HABP2: variants seen among roughly 807,000 people sequenced by gnomAD.
The protein encoded by HABP2 is factor VII-activating protease.
HABP2 carries 65 observed loss-of-function variants against 66.5 expected under a neutral mutation model. The ratio of observed to expected loss-of-function variants is 0.98; its 90% CI spans 0.80 to 1.20. The LOEUF (loss-of-function observed/expected upper bound fraction) is 1.20, where lower values mean the gene tolerates loss of function less well. Among genes scored for constraint, HABP2 ranks in the 50% most tolerant of loss-of-function variants. The pLI is 0.00. For synonymous variants in HABP2, 263 were observed against 253.9 expected (o/e 1.04, Z -0.34); for missense variants, 786 against 691.0 (o/e 1.14, Z -1.54).
At chr10:113,567,863 A>G (rs1307533512) in intron 2 of HABP2, among the ~76,000 whole-genome samples, 1 of 152,198 alleles carries the variant, frequency 6.6e-6, no homozygotes, top group African/African-American at 2.4e-5. Flanking sequence ...GATGAGGTGA[A>G]AGGCTGAGGC....
At chr10:113,586,047 TG>T in intron 12 of HABP2, 109 bp downstream of exon 12, 2 of 962,010 alleles carry the variant, frequency 2.1e-6, no homozygotes, top group Non-Finnish European at 3.2e-6. Context: ...GGTCCACCTG[TG>T]GTAAAGCTAA....
intron 2 of HABP2, among the ~76,000 whole-genome samples, chr10:113,573,322 G>A (rs1484539518): frequency 6.6e-6 from 1 of 152,156 alleles, no homozygotes; most frequent in Non-Finnish European, 1.5e-5. Flanking sequence ...CCAATGACCA[G>A]TCTAGTGTGA....
intron 2 of HABP2, among the ~76,000 whole-genome samples, chr10:113,572,940 A>AT (rs1845340532): frequency 6.6e-6 from 1 of 152,234 alleles, no homozygotes; most frequent in Non-Finnish European, 1.5e-5. Flanking sequence ...TCGATTTTTC[A>AT]AAAGCCAGAG....
At position 113,584,144 on chromosome 10, in the gene HABP2, C is replaced by A; in HGVS notation, c.1238-4C>A. On this transcript the variant is annotated splice_polypyrimidine_tract_variant and splice_region_variant and intron_variant, in intron 10 of 12. Transcript: ENST00000351270. ...ATCCATTTTCTACCTCTCTCTCCAC[C>A]TAGCATTGCTCAAGTTAAAGCCAGT... 6.2e-7 allele frequency: 1 copy of A among 1,613,398 alleles called. No individual in the cohort carries two copies.
At chr10:113,553,051 T>TC (rs1844924546), upstream of HABP2, 15 of 1,074,396 alleles carry the variant, frequency 1.4e-5, no homozygotes, top group South Asian at 8.9e-5. Context: ...ACTGACATTT[T>TC]TCCCCCCTAA....
Position 113,589,087 on chromosome 10 carries a change from A to G in HABP2, c.*718A>G. 2 of 1,611,972 alleles carry G rather than the reference A, an allele frequency of 1.2e-6. No individual in the cohort carries two copies. Among genetic ancestry groups the G allele is most frequent in the Non-Finnish European group, 1.7e-6 (2 of 1,178,488 alleles). Reference sequence around the variant, plus strand: ...CACTGCTTCTGCCCCCCGCTGCTGAAATCAAACATACCCCAAGTTAAAATG... The same window carrying G: ...CACTGCTTCTGCCCCCCGCTGCTGAGATCAAACATACCCCAAGTTAAAATG... On this transcript the variant is annotated 3_prime_UTR_variant, in exon 13 of 13. Coordinates refer to ENST00000351270, the MANE Select transcript of HABP2 (RefSeq NM_004132.5).
Position 113,588,641 on chromosome 10 carries a change from T to C in HABP2, c.*272T>C. 4 of 519,878 alleles carry C rather than the reference T, an allele frequency of 7.7e-6. No homozygotes were observed. Among genetic ancestry groups the C allele is most frequent in the Non-Finnish European group, 1.3e-5 (4 of 296,786 alleles). The allele number at this position is 519,878 out of a possible 1,614,324, so 32.2% of individuals were successfully genotyped here. A position where few individuals can be genotyped will look rare whatever the true frequency, so the allele number is the denominator to read the frequency against. On this transcript the variant is annotated 3_prime_UTR_variant, in exon 13 of 13. Transcript: ENST00000351270. ...GCTTTCCTTACCCAATTGTACCTTC[T>C]AGAAAATCAGTGTTCACAGAGACTG...
At chr10:113,573,827 C>A (rs1292761702) in intron 2 of HABP2, among the ~76,000 whole-genome samples, 2 of 152,140 alleles carry the variant, frequency 1.3e-5, no homozygotes, top group Non-Finnish European at 2.9e-5. Flanking sequence ...CTAATGAAGT[C>A]CCATCAAGAA....
In HABP2 at chr10:113,589,136, GC is replaced by G; in HGVS notation, c.*771del. On this transcript the variant is annotated 3_prime_UTR_variant, in exon 13 of 13. Coordinates refer to ENST00000351270, the MANE Select transcript of HABP2 (RefSeq NM_004132.5). The stretch of plus-strand genomic sequence containing the variant: ...TGAAGCTCCCCCACCCCCACTCCCG[GC>G]CCCGGTTCCCACAGGACACGCTAAG... The G allele has an allele frequency of 4.8e-6, 7 of 1,449,042 alleles. No homozygotes were observed. The highest frequency in any genetic ancestry group is 2.9e-6 in the Non-Finnish European group (3 of 1,037,924). 89.8% of individuals were successfully genotyped at this position (1,449,042 alleles called of 1,614,324 possible). A position where few individuals can be genotyped will look rare whatever the true frequency, so the allele number is the denominator to read the frequency against.
Position 113,584,014 on chromosome 10 carries a change from A to C in HABP2, c.1238-134A>C, listed in dbSNP as rs1018841055. ...TGGAAGTTCAAAATATGAAATGACC[A>C]CGGAAGAAGATTTTCAGGCATGGTG... is the stretch of plus-strand genomic sequence containing the variant. On this transcript the variant is annotated intron_variant, in intron 10 of 12. Coordinates refer to ENST00000351270, the MANE Select transcript of HABP2 (RefSeq NM_004132.5). 4.3e-5 allele frequency: 29 copies of C among 674,438 alleles called. No homozygotes were observed. The African/African-American group carries it at 5.0e-4, about 12-fold the overall frequency. 41.8% of individuals were successfully genotyped at this position (674,438 alleles called of 1,614,324 possible). A position where few individuals can be genotyped will look rare whatever the true frequency, so the allele number is the denominator to read the frequency against.
At chr10:113,585,707 T>G in intron 11 of HABP2, 86 bp from the exon 12 acceptor site, 1 of 998,984 alleles carries the variant, frequency 1.0e-6, no homozygotes, top group African/African-American at 1.6e-5. Context: ...GTTGGTGGGC[T>G]TCTCCCTGAC....
chr10:113,569,586 A>C (rs892065653), intron 2 of HABP2: 1 of 152,360 alleles, frequency 6.6e-6, no homozygotes, highest in Non-Finnish European at 1.5e-5. Context: ...CACAGTCCCC[A>C]GTGGGTGGTG....
At chr10:113,563,942 G>C (rs1220963419) in intron 1 of HABP2, among the ~76,000 whole-genome samples, 3 of 152,172 alleles carry the variant, frequency 2.0e-5, no homozygotes. Flanking sequence ...GATGACTGGG[G>C]GTGATGAGGG....
chr10:113,587,453 A>C (rs1845666937), intron 12 of HABP2, among the ~76,000 whole-genome samples: 1 of 152,256 alleles, frequency 6.6e-6, no homozygotes, highest in Non-Finnish European at 1.5e-5. Flanking sequence ...GGCTTTTATC[A>C]GTGATGAAAG....
At chr10:113,554,714 G>A (rs543758602) in intron 1 of HABP2, among the ~76,000 whole-genome samples, 70 of 152,320 alleles carry the variant, frequency 4.6e-4, no homozygotes, top group Admixed American at 1.8e-3. Flanking sequence ...TAAACTTTGC[G>A]GGCAAGGAGA....
Position 113,581,967 on chromosome 10 carries a change from G to A in HABP2, c.930G>A (p.Lys310=), listed in dbSNP as rs886046742. 1.2e-6 allele frequency: 2 copies of A among 1,614,224 alleles called. No individual in the cohort carries two copies. Among genetic ancestry groups the A allele is most frequent in the East Asian group, 2.2e-5 (1 of 44,878 alleles). Residue 310 remains lysine (K), a synonymous_variant, in exon 9 of 13, where the codon AAG becomes AAA. Coordinates refer to ENST00000351270, the MANE Select transcript of HABP2 (RefSeq NM_004132.5). ...SCGKTEIAER[K]IKRIYGGFKS... ...GAAAGACTGAGATAGCAGAGAGGAA[G>A]ATCAAGAGAATCTATGGAGGCTTTA...
rs777386959 is a variant in HABP2, at chr10:113,574,362, C to T, written c.180C>T (p.Thr60=). The stretch of plus-strand genomic sequence containing the variant: ...AAGAGAACACCAGTAGCACACTTAC[C>T]CACGCTGAGAATCCTGACTGGTACT... ...NQEENTSSTL[T]HAENPDWYYT... Residue 60 remains threonine (T), a synonymous_variant, in exon 3 of 13, where the codon ACC becomes ACT. Transcript: ENST00000351270. The T allele has an allele frequency of 1.3e-5, 21 of 1,604,538 alleles. No homozygotes were observed. Among genetic ancestry groups the T allele is most frequent in the Non-Finnish European group, 1.7e-5 (20 of 1,171,096 alleles).
At chr10:113,567,411 C>G in intron 1 of HABP2, 78 bp from the exon 2 acceptor site, 2 of 1,102,816 alleles carry the variant, frequency 1.8e-6, no homozygotes, top group South Asian at 1.3e-5. Flanking sequence ...CATACGATCT[C>G]CTCTGGCTGA....
chr10:113,554,109 A>G (rs1844948431), intron 1 of HABP2, among the ~76,000 whole-genome samples: 1 of 132,660 alleles, frequency 7.5e-6, no homozygotes, highest in Non-Finnish European at 1.7e-5. Context: ...ATCAAGTGCT[A>G]ACCTCTCATA....
Sources: allele counts gnomAD v4.1 joint callset (sites outside exome capture counted in the v4.1 genomes callset), GRCh38; gene constraint gnomAD v4.1.1; transcripts MANE v1.5; gene names NCBI Gene and HGNC (gene_info 2026-07-23, HGNC 2026-07-21).